ASB4: variants seen among roughly 807,000 people sequenced by gnomAD.
The protein encoded by ASB4 is ankyrin repeat and SOCS box containing 4, also known as ankyrin repeat and SOCS box protein 4.
A neutral mutation model predicts 38.6 loss-of-function variants in ASB4; 35 were observed. The observed-to-expected ratio is 0.91, with a 90% CI of 0.69 to 1.20. The LOEUF (loss-of-function observed/expected upper bound fraction) is 1.20. Among genes scored for constraint, ASB4 ranks in the 50% most tolerant of loss-of-function variants. The pLI is 0.00. For synonymous variants in ASB4, 195 were observed against 201.3 expected (o/e 0.97, Z 0.26); for missense variants, 557 against 527.2 (o/e 1.06, Z -0.55).
chr7:95,549,001 T>G, the ASB4 span, among the ~76,000 whole-genome samples: 1 of 152,188 alleles, frequency 6.6e-6, no homozygotes, highest in African/African-American at 2.4e-5. Flanking sequence ...ACTCAATCAC[T>G]TGCATACCAA....
intron 2 of ASB4, among the ~76,000 whole-genome samples, chr7:95,504,426 C>T (rs368032394): frequency 2.6e-5 from 4 of 152,100 alleles, no homozygotes; most frequent in African/African-American, 4.8e-5. Flanking sequence ...CATTTTAATC[C>T]GAAATAGATA....
upstream of ASB4, among the ~76,000 whole-genome samples, chr7:95,482,407 C>T (rs984302623): frequency 6.6e-6 from 1 of 152,148 alleles, no homozygotes; most frequent in African/African-American, 2.4e-5. Flanking sequence ...AAGTCATGTT[C>T]CCTGTGGCCT....
rs189527307 is a variant in ASB4, at chr7:95,480,688, G to A, written n.157+2088G>A. On this transcript the variant is annotated intron_variant and non_coding_transcript_variant, in intron 1 of 1. Coordinates refer to the ASB4 transcript ENST00000257621. ...TTTTAAAGGGGATTGTCTAACCCCC[G>A]ACCTTTGTGTCTTTAGTTTGAGGCC... Among the ~76,000 whole-genome samples, 822 of 152,288 alleles carry A rather than the reference G, an allele frequency of 5.4e-3. 6 individuals carry two copies. The highest frequency in any genetic ancestry group is 0.01 in the Middle Eastern group (3 of 294).
chr7:95,527,728 C>T lies in ASB4; in HGVS notation c.488-85C>T. 3 of 1,260,260 alleles carry T rather than the reference C, an allele frequency of 2.4e-6. No homozygotes were observed. In the South Asian group the frequency reaches 4.5e-5, roughly 19 times the overall value. 78.1% of individuals were successfully genotyped at this position (1,260,260 alleles called of 1,614,324 possible). A position where few individuals can be genotyped will look rare whatever the true frequency, so the allele number is the denominator to read the frequency against. The stretch of plus-strand genomic sequence containing the variant: ...CGGCAGTCAGAAGTTAAAAGAGAAG[C>T]AGTGAGAAAAGTCTTGTTTAATGAA... On this transcript the variant is annotated intron_variant, in intron 2 of 4. Transcript: ENST00000325885.
chr7:95,540,758 A>C (rs1236529768), downstream of ASB4, among the ~76,000 whole-genome samples: 1 of 152,210 alleles, frequency 6.6e-6, no homozygotes, highest in African/African-American at 2.4e-5. Flanking sequence ...GGAACTAGAC[A>C]CACTTGTGTT....
chr7:95,517,245 T>G (rs1461486112), intron 2 of ASB4, among the ~76,000 whole-genome samples: 1 of 152,146 alleles, frequency 6.6e-6, no homozygotes, highest in African/African-American at 2.4e-5. Flanking sequence ...CATAGCTCAC[T>G]GTAACCTCAA....
intron 1 of ASB4, among the ~76,000 whole-genome samples, chr7:95,493,009 A>G (rs1365307182): frequency 1.3e-5 from 2 of 152,204 alleles, no homozygotes; most frequent in African/African-American, 4.8e-5. Flanking sequence ...GTGCATATCA[A>G]TTTGCACACA....
intron 2 of ASB4, among the ~76,000 whole-genome samples, chr7:95,504,154 G>A (rs556575878): frequency 1.3e-5 from 2 of 152,194 alleles, no homozygotes; most frequent in South Asian, 4.1e-4. Flanking sequence ...TATTCCATTC[G>A]TAAGAGGAAA....
chr7:95,521,409 A>T (rs1790660147), intron 2 of ASB4, among the ~76,000 whole-genome samples: 1 of 152,126 alleles, frequency 6.6e-6, no homozygotes, highest in Non-Finnish European at 1.5e-5. Flanking sequence ...GCAAACACTA[A>T]GAAGTTTGAG....
chr7:95,515,390 TTTTTC>T (rs1299628965), intron 2 of ASB4, among the ~76,000 whole-genome samples: 8 of 146,736 alleles, frequency 5.5e-5, no homozygotes, highest in Non-Finnish European at 8.9e-5. Flanking sequence ...TCTTTTCTTT[TTTTTC>T]TTTTCTTTTC....
intron 2 of ASB4, among the ~76,000 whole-genome samples, chr7:95,499,138 G>A (rs1210467805): frequency 3.9e-5 from 6 of 152,124 alleles, no homozygotes; most frequent in Admixed American, 1.3e-4. Flanking sequence ...TGAAACTTCA[G>A]TGAAAATGTC....
At chr7:95,531,652 G>A (rs1790821347) in intron 3 of ASB4, among the ~76,000 whole-genome samples, 1 of 152,134 alleles carries the variant, frequency 6.6e-6, no homozygotes, top group Admixed American at 6.5e-5. Context: ...TACTATAGCA[G>A]TCTTCCCATC....
chr7:95,532,746 C>A (rs1230031837), intron 3 of ASB4, among the ~76,000 whole-genome samples: 1 of 152,020 alleles, frequency 6.6e-6, no homozygotes, highest in Non-Finnish European at 1.5e-5. Flanking sequence ...TTAATCCATG[C>A]TTTTGGGGGT....
chr7:95,483,518 CCTT>C (rs533060969), upstream of ASB4, among the ~76,000 whole-genome samples: 23 of 152,268 alleles, frequency 1.5e-4, no homozygotes, highest in Admixed American at 1.3e-3. Context: ...ATTAAATTGT[CCTT>C]CTTTTTGCCA....
chr7:95,536,048 C>T (rs964202486), intron 3 of ASB4, among the ~76,000 whole-genome samples: 1 of 152,172 alleles, frequency 6.6e-6, no homozygotes, highest in Non-Finnish European at 1.5e-5. Context: ...CTTCAATTCT[C>T]ATCTTCTTTG....
rs1230074555 is a variant in ASB4, at chr7:95,539,905, A to T, written c.*2146A>T. On this transcript the variant is annotated 3_prime_UTR_variant, in exon 5 of 5. Coordinates refer to ENST00000325885, the MANE Select transcript of ASB4 (RefSeq NM_016116.3). ...TTGAAATCTTAAAATAGTAATAATT[A>T]ACAAAGTAAAACAAGATCACACCCT... 6.6e-6 allele frequency: 1 copy of T among 152,194 alleles called. No individual in the cohort carries two copies. The highest frequency in any genetic ancestry group is 1.5e-5 in the Non-Finnish European group (1 of 68,040). The allele number at this position is 152,194 out of a possible 1,614,324, so 9.4% of individuals were successfully genotyped here.
downstream of ASB4, among the ~76,000 whole-genome samples, chr7:95,540,893 C>T (rs548540211): frequency 2.6e-5 from 4 of 152,306 alleles, no homozygotes; most frequent in East Asian, 7.7e-4. Context: ...AAACCATTTG[C>T]AGTGGGTTAT....
intron 2 of ASB4, among the ~76,000 whole-genome samples, chr7:95,496,888 G>A (rs982708459): frequency 2.0e-5 from 3 of 151,986 alleles, no homozygotes; most frequent in Non-Finnish European, 4.4e-5. Context: ...AAAAACAAAT[G>A]GGAAGGAGAC....
At chr7:95,500,788 A>G (rs1790325347) in intron 2 of ASB4, among the ~76,000 whole-genome samples, 2 of 152,100 alleles carry the variant, frequency 1.3e-5, no homozygotes. Flanking sequence ...TGTTATTTCT[A>G]TGAATCACTT....
Sources: gnomAD v4.1 joint callset for allele counts (sites outside exome capture counted in the v4.1 genomes callset) on GRCh38, gnomAD v4.1.1 for gene constraint, MANE v1.5 for transcripts, NCBI Gene and HGNC (gene_info 2026-07-23, HGNC 2026-07-21) for gene names.